Variants in WNT7B observed in about 807,000 individuals in gnomAD.
WNT7B encodes the protein Wnt family member 7B.
WNT7B carries 19 observed loss-of-function variants against 38.2 expected under a neutral mutation model. The observed-to-expected ratio is 0.50, with a 90% CI of 0.35 to 0.73. The LOEUF is 0.73. Among genes scored for constraint, WNT7B ranks in the 30% least tolerant of loss-of-function variants. The pLI, the probability that WNT7B is intolerant of heterozygous loss-of-function variation, is 0.01. For synonymous variants in WNT7B, 243 were observed against 209.3 expected (o/e 1.16, Z -1.39); for missense variants, 423 against 507.9 (o/e 0.83, Z 1.61).
intron 2 of WNT7B, among the ~76,000 whole-genome samples, chr22:45,931,718 G>A (rs1189041644): frequency 6.6e-6 from 1 of 152,170 alleles, no homozygotes; most frequent in Non-Finnish European, 1.5e-5. Context: ...AGTTTCTCCA[G>A]CCCTGAGAGT....
At chr22:45,926,618 C>G (rs1424158025) in intron 3 of WNT7B, 1 of 985,308 alleles carries the variant, frequency 1.0e-6, no homozygotes, top group Non-Finnish European at 1.2e-6. Context: ...ACCCTGGATC[C>G]TGGCCATGGC....
intron 2 of WNT7B, among the ~76,000 whole-genome samples, chr22:45,939,040 T>A (rs955919064): frequency 1.3e-5 from 2 of 152,050 alleles, no homozygotes; most frequent in African/African-American, 4.8e-5. Context: ...GAAATGCAAA[T>A]CCAACCCACA....
chr22:45,929,801 C>CCACTCATCT (rs1931259457), intron 3 of WNT7B, among the ~76,000 whole-genome samples: 2 of 143,322 alleles, frequency 1.4e-5, no homozygotes, highest in African/African-American at 5.1e-5. Flanking sequence ...TCCACTCAAC[C>CCACTCATCT]ATCTACCCAT....
intron 3 of WNT7B, among the ~76,000 whole-genome samples, chr22:45,928,301 C>T (rs754288223): frequency 1.6e-4 from 24 of 152,260 alleles, no homozygotes; most frequent in Non-Finnish European, 2.6e-4. Context: ...ATGGAAAGTT[C>T]CAAAGCCCCA....
chr22:45,956,745 G>A (rs770150619), intron 1 of WNT7B, among the ~76,000 whole-genome samples: 54 of 152,326 alleles, frequency 3.5e-4, no homozygotes, highest in Non-Finnish European at 6.3e-4. Flanking sequence ...ACGTCAACAC[G>A]GATGGGCCTC....
At chr22:45,945,279 C>T (rs902092709) in intron 2 of WNT7B, among the ~76,000 whole-genome samples, 5 of 152,130 alleles carry the variant, frequency 3.3e-5, no homozygotes, top group African/African-American at 1.2e-4. Context: ...GATGGGGCTT[C>T]ACCACGTTAG....
At chr22:45,943,786 G>A (rs1443590372) in intron 2 of WNT7B, among the ~76,000 whole-genome samples, 5 of 152,218 alleles carry the variant, frequency 3.3e-5, no homozygotes, top group Admixed American at 3.3e-4. Context: ...CCCAGCCCAG[G>A]CGGGGGCTAC....
intron 3 of WNT7B, among the ~76,000 whole-genome samples, chr22:45,930,043 C>T (rs1486611942): frequency 6.6e-6 from 1 of 151,510 alleles, no homozygotes; most frequent in Non-Finnish European, 1.5e-5. Context: ...AAACCCCTGG[C>T]CTGGTGTTCA....
At position 45,926,633 on chromosome 22, in the gene WNT7B, G is replaced by T. The variant is rs113533954; in HGVS notation, c.571-3298C>A. On this transcript the variant is annotated intron_variant, in intron 3 of 3. Coordinates refer to ENST00000339464, the MANE Select transcript of WNT7B (RefSeq NM_058238.3). Reference sequence around the variant, plus strand: ...ACCCTGGATCCTGGCCATGGCCTGCGGCTGTGGAATGAGGTGCCTCACACC... The same window carrying T: ...ACCCTGGATCCTGGCCATGGCCTGCTGCTGTGGAATGAGGTGCCTCACACC... 2.9e-3 allele frequency: 2,888 copies of T among 985,328 alleles called. 67 individuals are homozygous for T. In the African/African-American group the frequency reaches 0.047, roughly 16 times the overall value. 61.0% of individuals were successfully genotyped at this position (985,328 alleles called of 1,614,324 possible).
At chr22:45,935,451 G>A (rs535529174) in intron 2 of WNT7B, among the ~76,000 whole-genome samples, 12 of 152,184 alleles carry the variant, frequency 7.9e-5, no homozygotes, top group African/African-American at 2.4e-4. Context: ...GCTTCCTGCC[G>A]CCTGCCCTGG....
chr22:45,957,127 C>T (rs888397887), intron 1 of WNT7B, among the ~76,000 whole-genome samples: 1 of 130,422 alleles, frequency 7.7e-6, no homozygotes, highest in African/African-American at 3.2e-5. Context: ...AAAAAAAAAT[C>T]CCCAGGACAA....
chr22:45,930,687 C>G (rs561158438), intron 3 of WNT7B, among the ~76,000 whole-genome samples: 1 of 152,206 alleles, frequency 6.6e-6, no homozygotes, highest in East Asian at 1.9e-4. Flanking sequence ...CCTTGCTGAG[C>G]AAAAAGGCTG....
At chr22:45,926,066 G>A (rs535700416) in intron 3 of WNT7B, 2 of 985,454 alleles carry the variant, frequency 2.0e-6, no homozygotes, top group East Asian at 1.1e-4. Context: ...CTCCCGCAGG[G>A]CCAGGCCCGT....
chr22:45,947,682 G>A (rs1931829395), intron 2 of WNT7B, among the ~76,000 whole-genome samples: 1 of 152,200 alleles, frequency 6.6e-6, no homozygotes, highest in Non-Finnish European at 1.5e-5. Flanking sequence ...AGCCAGGGAA[G>A]AAGGGGAAAA....
intron 3 of WNT7B, chr22:45,927,397 C>T (rs1195183345): frequency 3.0e-5 from 46 of 1,524,958 alleles, no homozygotes; most frequent in Non-Finnish European, 3.9e-5. Context: ...CCATCTCACT[C>T]TTGCCCATCA....
chr22:45,974,481 G>C (rs1932512815), intron 1 of WNT7B, among the ~76,000 whole-genome samples: 1 of 152,246 alleles, frequency 6.6e-6, no homozygotes. Flanking sequence ...TCGAGGGAGG[G>C]ATTGGCTCTC....
intron 1 of WNT7B, among the ~76,000 whole-genome samples, chr22:45,955,577 G>GT (rs1363569213): frequency 1.3e-5 from 2 of 152,218 alleles, no homozygotes; most frequent in Non-Finnish European, 2.9e-5. Flanking sequence ...CTGAGTGGCT[G>GT]TGAGTGCAGA....
chr22:45,953,600 A>G (rs1252024550), intron 1 of WNT7B, among the ~76,000 whole-genome samples: 1 of 152,228 alleles, frequency 6.6e-6, no homozygotes, highest in Non-Finnish European at 1.5e-5. Flanking sequence ...ACATTTCTAC[A>G]AAGAAGATAT....
In WNT7B at chr22:45,977,110, C is replaced by T; in HGVS notation, c.-356G>A. On this transcript the variant is annotated 5_prime_UTR_variant, in exon 1 of 4. Coordinates refer to ENST00000339464, the MANE Select transcript of WNT7B (RefSeq NM_058238.3). ...CCGCCTGAGGCCGTGAGCGCCTCGCCGAGCGCCGCGGCGGCCAATGTGTCC... is the reference window on the plus strand; with the variant it reads ...CCGCCTGAGGCCGTGAGCGCCTCGCTGAGCGCCGCGGCGGCCAATGTGTCC... The T allele has an allele frequency of 2.5e-6, 2 of 784,620 alleles. No individual in the cohort carries two copies. Among genetic ancestry groups the T allele is most frequent in the Non-Finnish European group, 3.1e-6 (2 of 646,536 alleles). 48.6% of individuals were successfully genotyped at this position (784,620 alleles called of 1,614,324 possible).
Sources: allele counts gnomAD v4.1 joint callset (sites outside exome capture counted in the v4.1 genomes callset), GRCh38; gene constraint gnomAD v4.1.1; transcripts MANE v1.5; gene names NCBI Gene and HGNC (gene_info 2026-07-23, HGNC 2026-07-21).